Variants in PTPRN2 observed in about 807,000 individuals in gnomAD.
PTPRN2 encodes the protein protein tyrosine phosphatase receptor type N2.
PTPRN2 carries 74 observed loss-of-function variants against 118.8 expected under a neutral mutation model. That is an observed-to-expected ratio of 0.62 (90% CI 0.52 to 0.76). PTPRN2 has a LOEUF of 0.76. Among genes scored for constraint, PTPRN2 ranks in the 30% least tolerant of loss-of-function variants. The probability of loss-of-function intolerance (pLI) is 0.00; values close to 1 mark genes in which losing one functional copy is unlikely to be tolerated. For synonymous variants in PTPRN2, 641 were observed against 608.0 expected (o/e 1.05, Z -0.80); for missense variants, 1,481 against 1,394.4 (o/e 1.06, Z -0.99).
chr7:157,976,295 G>A (rs1023750435), intron 11 of PTPRN2, among the ~76,000 whole-genome samples: 1 of 152,188 alleles, frequency 6.6e-6, no homozygotes, highest in Non-Finnish European at 1.5e-5. Flanking sequence ...CCTGGCAGCC[G>A]AGTTCCAGCA....
chr7:157,560,787 C>T lies in PTPRN2; in HGVS notation c.2902+8115G>A, dbSNP rs1255355210. ...ACTTGCCTGAGCGAGACAAGAGACA[C>T]TGCGGGCCCAACGTGTCTGTGAGGT... On this transcript the variant is annotated intron_variant, in intron 21 of 22. Transcript: ENST00000389418. The surrounding 1 kb of genome is among the most constrained non-coding windows in gnomAD (Gnocchi z 6.7). 6.6e-6 allele frequency among the ~76,000 whole-genome samples: 1 copy of T among 152,210 alleles called. No homozygotes were observed. Among genetic ancestry groups the T allele is most frequent in the Non-Finnish European group, 1.5e-5 (1 of 68,040 alleles).
chr7:157,965,312 A>G (rs1446790840), intron 11 of PTPRN2, among the ~76,000 whole-genome samples: 1 of 152,190 alleles, frequency 6.6e-6, no homozygotes, highest in Admixed American at 6.5e-5. Context: ...AAGAGAGTTT[A>G]GCTGGAGCAT....
chr7:157,836,456 T>C (rs1417235273), intron 12 of PTPRN2, among the ~76,000 whole-genome samples: 2 of 152,148 alleles, frequency 1.3e-5, no homozygotes, highest in African/African-American at 4.8e-5. Context: ...GCAAGACTTA[T>C]GATAATGAAA....
chr7:158,531,597 G>A (rs866191384), intron 1 of PTPRN2, among the ~76,000 whole-genome samples: 7 of 152,328 alleles, frequency 4.6e-5, no homozygotes, highest in Middle Eastern at 3.4e-3. Context: ...CACATCTCAC[G>A]CGCAGCCTCC....
chr7:157,901,711 CCGTCCG>C, intron 11 of PTPRN2, among the ~76,000 whole-genome samples: 1 of 93,232 alleles, frequency 1.1e-5, no homozygotes, highest in South Asian at 3.0e-4. Context: ...TGGGGCCTTC[CCGTCCG>C]TGTTTCCTGG....
chr7:157,570,869 A>G (rs1245844453), intron 20 of PTPRN2, among the ~76,000 whole-genome samples: 1 of 152,174 alleles, frequency 6.6e-6, no homozygotes, highest in Non-Finnish European at 1.5e-5. Context: ...ATGGGACCAC[A>G]GGGTTTAAGA....
chr7:158,411,332 C>T (rs1814069868), intron 2 of PTPRN2, among the ~76,000 whole-genome samples: 1 of 152,196 alleles, frequency 6.6e-6, no homozygotes, highest in African/African-American at 2.4e-5. Flanking sequence ...CATCTCCAGT[C>T]GCTTCCCGTG....
rs1031738611 is a variant in PTPRN2, at chr7:157,822,810, C to T, written c.1788+75863G>A. On this transcript the variant is annotated intron_variant, in intron 12 of 22. Transcript: ENST00000389418. Reference sequence around the variant, plus strand: ...TATATCCATCAGCCCATCCATCCATCCATCCTTATATCCATCCACTATCCA... The same window carrying T: ...TATATCCATCAGCCCATCCATCCATTCATCCTTATATCCATCCACTATCCA... Among the ~76,000 whole-genome samples, 3 of 151,980 alleles carry T rather than the reference C, an allele frequency of 2.0e-5. No homozygotes were observed. In the East Asian group the frequency reaches 5.8e-4, roughly 29 times the overall value.
chr7:158,356,843 G>A (rs1808423842), intron 2 of PTPRN2, among the ~76,000 whole-genome samples: 1 of 152,144 alleles, frequency 6.6e-6, no homozygotes, highest in South Asian at 2.1e-4. Flanking sequence ...TTTTCTATGG[G>A]GAAATCAGGA....
rs570307780 is a variant in PTPRN2 at position 158,053,459 on chromosome 7, G to A, written c.1723+27839C>T. Among the ~76,000 whole-genome samples, 13 of 152,286 alleles carry A rather than the reference G, an allele frequency of 8.5e-5. No homozygotes were observed. In the South Asian group the frequency reaches 1.2e-3, roughly 15 times the overall value. On this transcript the variant is annotated intron_variant, in intron 11 of 22. Transcript: ENST00000389418. Reference sequence around the variant, plus strand: ...AGATCACAGAAAAGGGGAAAACAGCGAAGACAGAAAAGAAAAGAATTCAGA... The same window carrying A: ...AGATCACAGAAAAGGGGAAAACAGCAAAGACAGAAAAGAAAAGAATTCAGA...
rs1158118759 is a variant in PTPRN2 at position 157,540,785 on chromosome 7, C to T, written c.2977G>A (p.Glu993Lys). The change falls in exon 23 of 23, where the codon GAG (glutamate) becomes AAG (lysine). Residue 993 changes from glutamate to lysine, a missense_variant and splice_region_variant. Transcript: ENST00000389418. ...DQRPGMVQTK[E>K]QFEFALTAVA... ...GCTGTCAGCGCGAACTCAAACTGCT[C>T]CTGCAGGGCGAGAAACGAGAGAAGT... 2.6e-6 allele frequency: 4 copies of T among 1,560,944 alleles called. No individual in the cohort carries two copies. The highest frequency in any genetic ancestry group is 3.5e-6 in the Non-Finnish European group (4 of 1,151,958).
chr7:158,447,532 C>T (rs1227740212), intron 2 of PTPRN2, among the ~76,000 whole-genome samples: 1 of 152,184 alleles, frequency 6.6e-6, no homozygotes, highest in Admixed American at 6.5e-5. Context: ...GGCTCAGCCA[C>T]ACATGCTGCC....
chr7:158,040,552 T>C (rs1808387721), intron 11 of PTPRN2, among the ~76,000 whole-genome samples: 1 of 152,202 alleles, frequency 6.6e-6, no homozygotes, highest in Non-Finnish European at 1.5e-5. Context: ...GCTGGACTTC[T>C]TTTTAGGAAG....
intron 12 of PTPRN2, among the ~76,000 whole-genome samples, chr7:157,833,942 A>T (rs995936584): frequency 6.6e-6 from 1 of 152,232 alleles, no homozygotes; most frequent in African/African-American, 2.4e-5. Context: ...CTGAACCCAG[A>T]AACCAACACT....
chr7:158,304,606 G>GATTTCTACAT (rs1801144910), intron 3 of PTPRN2, among the ~76,000 whole-genome samples: 2 of 152,358 alleles, frequency 1.3e-5, no homozygotes, highest in African/African-American at 4.8e-5. Context: ...CACAGGCTTG[G>GATTTCTACAT]TCCAGAAAGA....
rs12111942 is a variant in PTPRN2 at position 157,804,173 on chromosome 7, T to C, written c.1788+94500A>G. Among the ~76,000 whole-genome samples, 840 of 152,334 alleles carry C rather than the reference T, an allele frequency of 5.5e-3. 7 individuals are homozygous for C. The highest frequency in any genetic ancestry group is 0.02 in the African/African-American group (820 of 41,588). On this transcript the variant is annotated intron_variant, in intron 12 of 22. Transcript: ENST00000389418. ...GTAGCATCTAATTCCTCACCGGGTG[T>C]GGAGGGGCCTGTTTACCCAATGCCC... is the stretch of plus-strand genomic sequence containing the variant.
intron 2 of PTPRN2, among the ~76,000 whole-genome samples, chr7:158,341,830 T>A (rs1806884946): frequency 9.5e-6 from 1 of 104,780 alleles, no homozygotes; most frequent in Non-Finnish European, 1.8e-5. Flanking sequence ...CCAGCAGACG[T>A]CACTCACACC....
intron 2 of PTPRN2, among the ~76,000 whole-genome samples, chr7:158,487,800 AAAGCG>A (rs1821139569): frequency 6.6e-6 from 1 of 152,182 alleles, no homozygotes; most frequent in African/African-American, 2.4e-5. Flanking sequence ...TCAGCCTCGC[AAAGCG>A]CAGTTTTCTA....
At chr7:157,855,745 G>A (rs774842982) in intron 12 of PTPRN2, among the ~76,000 whole-genome samples, 3 of 152,208 alleles carry the variant, frequency 2.0e-5, no homozygotes, top group Non-Finnish European at 4.4e-5. Flanking sequence ...GGGGGGCGGC[G>A]ATACAAAGTC....
Sources: allele counts gnomAD v4.1 joint callset (sites outside exome capture counted in the v4.1 genomes callset), GRCh38; gene constraint gnomAD v4.1.1; non-coding constraint Gnocchi (gnomAD v3.1); transcripts MANE v1.5; gene names NCBI Gene and HGNC (gene_info 2026-07-23, HGNC 2026-07-21).